CHN2: variants seen among roughly 807,000 people sequenced by gnomAD.
CHN2 encodes chimerin 2.
CHN2 carries 35 observed loss-of-function variants against 56.3 expected under a neutral mutation model. The observed-to-expected ratio is 0.62, with a 90% confidence interval of 0.47 to 0.82. The LOEUF (loss-of-function observed/expected upper bound fraction) is 0.82. Ranked by LOEUF, CHN2 falls within the 40% of genes least tolerant of loss-of-function variation. CHN2 has a pLI of 0.00. For missense variants in CHN2, 491 were observed against 580.5 expected, an observed-to-expected ratio of 0.85 and a Z score of 1.58; for synonymous variants, 210 against 212.8, an observed-to-expected ratio of 0.99 and a Z score of 0.12.
intron 12 of CHN2, 179 bp downstream of exon 12, chr7:29,509,585 C>T (rs1791036536): frequency 4.0e-6 from 2 of 499,454 alleles, no homozygotes; most frequent in Non-Finnish European, 3.7e-6. Flanking sequence ...TGGCTCACGC[C>T]TGTAATCCCA....
intron 2 of CHN2, among the ~76,000 whole-genome samples, chr7:29,357,149 A>G (rs1025907616): frequency 6.6e-6 from 1 of 152,210 alleles, no homozygotes; most frequent in Non-Finnish European, 1.5e-5. Flanking sequence ...ACCCTTCTGT[A>G]TTAGTTTTAA....
At chr7:29,242,529 T>G (rs575516230) in intron 1 of CHN2, among the ~76,000 whole-genome samples, 1 of 152,252 alleles carries the variant, frequency 6.6e-6, no homozygotes, top group Non-Finnish European at 1.5e-5. Flanking sequence ...GCTTCTCAGT[T>G]TTTTACGCAT....
chr7:29,174,184 T>C (rs948146447), intron 2 of CHN2, among the ~76,000 whole-genome samples: 3 of 152,042 alleles, frequency 2.0e-5, no homozygotes, highest in East Asian at 1.9e-4. Context: ...CCCCCACACC[T>C]TGATGCTCCT....
intron 2 of CHN2, among the ~76,000 whole-genome samples, chr7:29,167,366 T>A (rs1562804219): frequency 1.3e-5 from 2 of 152,224 alleles, no homozygotes; most frequent in Non-Finnish European, 2.9e-5. Context: ...TGGTATTTCA[T>A]TAAATGAATA....
chr7:29,499,628 C>G (rs375415800), intron 8 of CHN2, among the ~76,000 whole-genome samples: 1 of 152,246 alleles, frequency 6.6e-6, no homozygotes, highest in African/African-American at 2.4e-5. Context: ...CTCAGATGTT[C>G]TGTTCTTAAG....
At chr7:29,216,894 G>C (rs753384904) in intron 1 of CHN2, among the ~76,000 whole-genome samples, 2 of 152,184 alleles carry the variant, frequency 1.3e-5, no homozygotes, top group Non-Finnish European at 2.9e-5. Context: ...TTATTTGTAT[G>C]TACCTGAGGT....
intron 1 of CHN2, among the ~76,000 whole-genome samples, chr7:29,227,970 C>A (rs910945253): frequency 6.6e-6 from 1 of 151,998 alleles, no homozygotes; most frequent in Non-Finnish European, 1.5e-5. Context: ...TGGATGCTGG[C>A]ATCCAACAAG....
At chr7:29,442,126 T>A (rs1783692158) in intron 6 of CHN2, among the ~76,000 whole-genome samples, 1 of 152,248 alleles carries the variant, frequency 6.6e-6, no homozygotes, top group African/African-American at 2.4e-5. Flanking sequence ...CGATACGTGC[T>A]ACAACATGCA....
At chr7:29,381,659 G>C (rs1300460528) in intron 3 of CHN2, among the ~76,000 whole-genome samples, 3 of 152,006 alleles carry the variant, frequency 2.0e-5, no homozygotes, top group Non-Finnish European at 4.4e-5. Flanking sequence ...CAAAGTCATA[G>C]TTCTCAGTCC....
chr7:29,198,305 T>G (rs777372870), intron 1 of CHN2, among the ~76,000 whole-genome samples: 3 of 152,248 alleles, frequency 2.0e-5, no homozygotes, highest in Non-Finnish European at 4.4e-5. Flanking sequence ...AAAGATCTAA[T>G]AATTTGCTCA....
intron 6 of CHN2, 150 bp downstream of exon 6, chr7:29,400,978 A>T: frequency 1.3e-6 from 1 of 764,228 alleles, no homozygotes; most frequent in Non-Finnish European, 2.1e-6. Context: ...GGACCTTAGA[A>T]ATCTTCTAGC....
intron 6 of CHN2, among the ~76,000 whole-genome samples, chr7:29,465,956 C>A (rs1785515027): frequency 6.6e-6 from 1 of 152,210 alleles, no homozygotes; most frequent in African/African-American, 2.4e-5. Context: ...GTGATCCCAG[C>A]ACTTTGGGAG....
intron 1 of CHN2, among the ~76,000 whole-genome samples, chr7:29,269,938 T>G (rs1443292969): frequency 6.6e-6 from 1 of 152,204 alleles, no homozygotes; most frequent in African/African-American, 2.4e-5. Flanking sequence ...ACCTGTCCTA[T>G]CTACCTACCT....
chr7:29,468,283 G>A (rs1049788791), intron 6 of CHN2, among the ~76,000 whole-genome samples: 1 of 151,972 alleles, frequency 6.6e-6, no homozygotes, highest in South Asian at 2.1e-4. Flanking sequence ...CCCCCAGGCA[G>A]GTCCATAAAA....
upstream of CHN2, among the ~76,000 whole-genome samples, chr7:29,190,399 C>G (rs988358669): frequency 6.6e-6 from 1 of 152,152 alleles, no homozygotes; most frequent in African/African-American, 2.4e-5. Context: ...AAGGGAATGA[C>G]CTTCACTAAA....
chr7:29,399,193 T>C (rs966469795), intron 5 of CHN2, among the ~76,000 whole-genome samples: 1 of 152,174 alleles, frequency 6.6e-6, no homozygotes, highest in Non-Finnish European at 1.5e-5. Context: ...GGAAAGTTAG[T>C]GTTTCTACAG....
intron 1 of CHN2, among the ~76,000 whole-genome samples, chr7:29,249,777 C>T (rs1265054747): frequency 6.6e-6 from 1 of 152,084 alleles, no homozygotes; most frequent in African/African-American, 2.4e-5. Context: ...TCAAAAAAGA[C>T]AGATATTACA....
chr7:29,460,250 G>A (rs849935), intron 6 of CHN2, among the ~76,000 whole-genome samples: 117,371 of 151,534 alleles, frequency 0.77, 45,814 homozygotes, highest in African/African-American at 0.88. Flanking sequence ...TGCCCCACCC[G>A]CCCTCAAATA....
chr7:29,428,498 T>C (rs7800248), intron 6 of CHN2, among the ~76,000 whole-genome samples: 29,667 of 152,084 alleles, frequency 0.2, 3,464 homozygotes, highest in African/African-American at 0.32. Flanking sequence ...CCTGGGACCA[T>C]TTCAAATTCA....
Sources: allele counts gnomAD v4.1 joint callset (sites outside exome capture counted in the v4.1 genomes callset), GRCh38; gene constraint gnomAD v4.1.1; transcripts MANE v1.5; gene names NCBI Gene and HGNC (gene_info 2026-07-23, HGNC 2026-07-21).